HRH2: variants seen among roughly 807,000 people sequenced by gnomAD.
HRH2 encodes the protein histamine receptor H2.
A neutral mutation model predicts 20.1 loss-of-function variants in HRH2; 4 were observed. The ratio of observed to expected loss-of-function variants is 0.20; its 90% CI spans 0.10 to 0.45. The LOEUF (loss-of-function observed/expected upper bound fraction) is 0.45, where lower values mean the gene tolerates loss of function less well. Among genes scored for constraint, HRH2 ranks in the 20% least tolerant of loss-of-function variants. HRH2 has a pLI of 0.99. For missense variants in HRH2, 250 were observed against 461.6 expected, an observed-to-expected ratio of 0.54 and a Z score of 4.20; for synonymous variants, 197 against 200.7, an observed-to-expected ratio of 0.98 and a Z score of 0.16.
rs1361618506 is a variant in HRH2, at chr5:175,709,654, C to T, written c.*1683C>T. The T allele has an allele frequency of 6.6e-6, 1 of 152,640 alleles. No individual in the cohort carries two copies. The highest frequency in any genetic ancestry group is 2.4e-5 in the African/African-American group (1 of 41,452). 9.5% of individuals were successfully genotyped at this position (152,640 alleles called of 1,614,324 possible). A position where few individuals can be genotyped will look rare whatever the true frequency, so the allele number is the denominator to read the frequency against. Reference sequence around the variant, plus strand: ...TGCCTCAGTCCTCATGGAGCCCTGGCTCCACTGTCTGCTGGCTTCTCCCCA... The same window carrying T: ...TGCCTCAGTCCTCATGGAGCCCTGGTTCCACTGTCTGCTGGCTTCTCCCCA... On this transcript the variant is annotated 3_prime_UTR_variant, in exon 3 of 3. Transcript: ENST00000636584.
chr5:175,692,583 T>C (rs1756424245), intron 2 of HRH2, among the ~76,000 whole-genome samples: 1 of 152,244 alleles, frequency 6.6e-6, no homozygotes, highest in Non-Finnish European at 1.5e-5. Flanking sequence ...AAATGCTTAG[T>C]AAGTGGCAGC....
intron 1 of HRH2, among the ~76,000 whole-genome samples, chr5:175,673,795 C>T (rs1373542298): frequency 2.0e-5 from 3 of 151,904 alleles, no homozygotes; most frequent in Non-Finnish European, 2.9e-5. Flanking sequence ...CCTCCGCCCC[C>T]CTGGGTTTAA....
intron 2 of HRH2, among the ~76,000 whole-genome samples, chr5:175,692,228 A>G (rs1756407437): frequency 6.6e-6 from 1 of 152,242 alleles, no homozygotes; most frequent in Non-Finnish European, 1.5e-5. Flanking sequence ...CCGTACATAA[A>G]TGGATGGAGA....
chr5:175,666,246 G>C (rs951829785), intron 1 of HRH2, among the ~76,000 whole-genome samples: 4 of 152,204 alleles, frequency 2.6e-5, no homozygotes, highest in African/African-American at 7.2e-5. Context: ...TCCCCAGACT[G>C]TGTTCCTGGA....
chr5:175,683,668 C>A lies in HRH2; in HGVS notation c.435C>A (p.Ile145=). ...TCTCTCTGGTCTTAATTTGGGTCAT[C>A]TCCATTACCCTGTCCTTTCTGTCTA... ...VAISLVLIWV[I]SITLSFLSIH... is the part of the protein sequence containing the mutation. Residue 145 remains isoleucine, a synonymous_variant, in exon 2 of 3, where the codon ATC becomes ATA. Transcript: ENST00000636584. 6.2e-7 allele frequency: 1 copy of A among 1,614,200 alleles called. No homozygotes were observed. The highest frequency in any genetic ancestry group is 8.5e-7 in the Non-Finnish European group (1 of 1,180,048).
Position 175,683,152 on chromosome 5 carries a change from T to C in HRH2, c.-82T>C. The C allele has an allele frequency of 7.0e-7, 1 of 1,436,406 alleles. No homozygotes were observed. The allele number at this position is 1,436,406 out of a possible 1,614,324, so 89.0% of individuals were successfully genotyped here. On this transcript the variant is annotated 5_prime_UTR_variant, in exon 2 of 3. Transcript: ENST00000636584. The stretch of plus-strand genomic sequence containing the variant: ...GATCTGTTGGGAGCTTGGAGTCCAG[T>C]GGTTGGCATAGTTGTCACATTGGGA...
Position 175,684,288 on chromosome 5 carries a change from C to G in HRH2, c.1055C>G (p.Ala352Gly). ...LQVWSGTEVTAPQGATDRKPA... is the reference protein window; with the variant it reads ...LQVWSGTEVTGPQGATDRKPA... ...GTGTGGAGTGGGACAGAAGTCACGG[C>G]CCCCCAGGGAGCCACAGACAGGTAA... The change falls in exon 2 of 3, where the codon GCC (alanine) becomes GGC (glycine). Residue 352 changes from alanine (A) to glycine (G), a missense_variant. Around this residue, in one of 5 missense-constraint regions of HRH2, gnomAD observed 55 missense variants for 66.9 expected, o/e 0.82. Transcript: ENST00000636584. 6.2e-7 allele frequency: 1 copy of G among 1,613,864 alleles called. No individual in the cohort carries two copies. The highest frequency in any genetic ancestry group is 8.5e-7 in the Non-Finnish European group (1 of 1,179,866).
intron 1 of HRH2, among the ~76,000 whole-genome samples, chr5:175,679,982 G>A (rs889747463): frequency 1.5e-4 from 23 of 152,218 alleles, no homozygotes; most frequent in Admixed American, 5.2e-4. Context: ...CTCCTCAACC[G>A]TTAAATGGAG....
chr5:175,662,462 A>T (rs949670975), intron 1 of HRH2, among the ~76,000 whole-genome samples: 6 of 152,166 alleles, frequency 3.9e-5, no homozygotes, highest in East Asian at 3.9e-4. Context: ...GAGGTTAAGA[A>T]ACCCTGGGCT....
At chr5:175,697,089 G>T (rs1407541571) in intron 2 of HRH2, among the ~76,000 whole-genome samples, 2 of 152,162 alleles carry the variant, frequency 1.3e-5, no homozygotes, top group African/African-American at 4.8e-5. Flanking sequence ...GCTGGTGGGG[G>T]TGAGGGGTCC....
intron 2 of HRH2, among the ~76,000 whole-genome samples, chr5:175,694,743 T>A (rs1006425386): frequency 1.3e-5 from 2 of 152,174 alleles, no homozygotes; most frequent in East Asian, 1.9e-4. Flanking sequence ...GGATGGGAAG[T>A]GGAGCATAGC....
chr5:175,667,989 G>A (rs953742060), intron 1 of HRH2, among the ~76,000 whole-genome samples: 10 of 152,238 alleles, frequency 6.6e-5, no homozygotes, highest in African/African-American at 9.6e-5. Context: ...GCTGGAAAAA[G>A]GGGATGTGGG....
At chr5:175,694,615 T>G (rs1756506901) in intron 2 of HRH2, among the ~76,000 whole-genome samples, 1 of 152,174 alleles carries the variant, frequency 6.6e-6, no homozygotes, top group Admixed American at 6.5e-5. Context: ...GACGATCTCC[T>G]GCAGCCCCTG....
chr5:175,695,063 G>A (rs2113543761), intron 2 of HRH2, among the ~76,000 whole-genome samples: 1 of 152,246 alleles, frequency 6.6e-6, no homozygotes, highest in South Asian at 2.1e-4. Flanking sequence ...CGATGACACA[G>A]ACAAGCCAGG....
intron 1 of HRH2, among the ~76,000 whole-genome samples, chr5:175,673,907 G>A (rs1208139512): frequency 6.6e-6 from 1 of 151,962 alleles, no homozygotes; most frequent in Non-Finnish European, 1.5e-5. Context: ...GTTTTGCCAT[G>A]TTGGCCAGGC....
intron 2 of HRH2, chr5:175,685,677 G>A (rs529132793): frequency 2.1e-5 from 13 of 620,540 alleles, no homozygotes; most frequent in Middle Eastern, 2.5e-4. Context: ...TTTCCTCATC[G>A]CATAGAGAGT....
intron 1 of HRH2, among the ~76,000 whole-genome samples, chr5:175,659,836 C>T (rs868442115): frequency 7.2e-5 from 11 of 152,120 alleles, no homozygotes; most frequent in African/African-American, 2.7e-4. Flanking sequence ...AGCCTGGCAG[C>T]AGGGTTGGGG....
At chr5:175,663,452 C>G (rs1027467993) in intron 1 of HRH2, among the ~76,000 whole-genome samples, 4 of 152,216 alleles carry the variant, frequency 2.6e-5, no homozygotes, top group African/African-American at 9.6e-5. Flanking sequence ...ATTTGTGTAT[C>G]TTCTTTGGAG....
rs568241638 is a variant in HRH2 at position 175,682,952 on chromosome 5, T to A, written c.-282T>A. The stretch of plus-strand genomic sequence containing the variant: ...GGACCGTCTGAGGACTGGAGTTTGA[T>A]CCATGAACCTGGCTTCGAGGCCTTG... On this transcript the variant is annotated 5_prime_UTR_variant, in exon 2 of 3. Transcript: ENST00000636584. The A allele has an allele frequency of 2.6e-6, 1 of 390,274 alleles. No individual in the cohort carries two copies. The highest frequency in any genetic ancestry group is 4.3e-5 in the South Asian group (1 of 23,448). 24.2% of individuals were successfully genotyped at this position (390,274 alleles called of 1,614,324 possible).
Sources: allele counts gnomAD v4.1 joint callset (sites outside exome capture counted in the v4.1 genomes callset), GRCh38; gene constraint gnomAD v4.1.1; regional missense constraint gnomAD v4.1.1; transcripts MANE v1.5; gene names NCBI Gene and HGNC (gene_info 2026-07-23, HGNC 2026-07-21).